The following OR1F1 variants were observed in gnomAD, a reference collection of about 807,000 sequenced individuals.
OR1F1 encodes olfactory receptor 1F1.
For synonymous variants in OR1F1, 184 were observed against 156.7 expected (o/e 1.17, Z -1.30); for missense variants, 493 against 376.3 (o/e 1.31, Z -2.57).
chr16:3,190,854 T>G, the OR1F1 span, among the ~76,000 whole-genome samples: 1 of 152,000 alleles, frequency 6.6e-6, no homozygotes, highest in Non-Finnish European at 1.5e-5. Flanking sequence ...TGCAGACTAT[T>G]GGGAAGTCTG....
chr16:3,201,678 G>A (rs529227539), upstream of OR1F1, among the ~76,000 whole-genome samples: 2 of 152,264 alleles, frequency 1.3e-5, no homozygotes, highest in South Asian at 2.1e-4. Context: ...CATGACCCAC[G>A]AAGGGATGAT....
the OR1F1 span, among the ~76,000 whole-genome samples, chr16:3,194,500 C>T: frequency 1.3e-5 from 2 of 152,242 alleles, no homozygotes; most frequent in South Asian, 4.1e-4. Flanking sequence ...CAGAAAAGAA[C>T]GTTCAATCTA....
the OR1F1 span, among the ~76,000 whole-genome samples, chr16:3,192,755 G>C: frequency 8.6e-5 from 13 of 151,998 alleles, no homozygotes; most frequent in African/African-American, 3.1e-4. Context: ...TGTCCCGGAC[G>C]TTGGCCCAGC....
At chr16:3,196,394 A>T in the OR1F1 span, among the ~76,000 whole-genome samples, 2 of 152,090 alleles carry the variant, frequency 1.3e-5, no homozygotes, top group Non-Finnish European at 2.9e-5. Context: ...TATTATTATT[A>T]TTATTTTGAG....
chr16:3,199,436 A>G (rs1958111362), upstream of OR1F1, among the ~76,000 whole-genome samples: 1 of 151,992 alleles, frequency 6.6e-6, no homozygotes, highest in Non-Finnish European at 1.5e-5. Context: ...TGAGCCCAGG[A>G]GTTCAAGACC....
the OR1F1 span, among the ~76,000 whole-genome samples, chr16:3,193,904 G>A: frequency 0.27 from 40,709 of 151,976 alleles, 5,572 homozygotes; most frequent in East Asian, 0.31. Context: ...TTCTCAGTAG[G>A]GCACGTGGTA....
At chr16:3,201,723 G>A (rs1339041915), upstream of OR1F1, among the ~76,000 whole-genome samples, 3 of 152,116 alleles carry the variant, frequency 2.0e-5, no homozygotes, top group South Asian at 4.1e-4. Context: ...AGGAAGCAGG[G>A]CTCGGACACT....
At chr16:3,194,746 C>T in the OR1F1 span, among the ~76,000 whole-genome samples, 2 of 152,250 alleles carry the variant, frequency 1.3e-5, no homozygotes, top group Non-Finnish European at 2.9e-5. Flanking sequence ...GGGGCACTTG[C>T]GGAATTGGAA....
upstream of OR1F1, among the ~76,000 whole-genome samples, chr16:3,202,979 C>G (rs982483582): frequency 7.2e-6 from 1 of 138,478 alleles, no homozygotes; most frequent in South Asian, 2.1e-4. Flanking sequence ...AATCCCAGTA[C>G]AGCTTCACAG....
chr16:3,193,908 C>T, the OR1F1 span, among the ~76,000 whole-genome samples: 4 of 152,144 alleles, frequency 2.6e-5, no homozygotes, highest in East Asian at 1.9e-4. Context: ...CAGTAGGGCA[C>T]GTGGTAACTG....
chr16:3,190,789 T>C, the OR1F1 span, among the ~76,000 whole-genome samples: 4 of 146,046 alleles, frequency 2.7e-5, no homozygotes, highest in African/African-American at 1.0e-4. Flanking sequence ...CAAGGTATCA[T>C]GAACAACAAG....
the OR1F1 span, among the ~76,000 whole-genome samples, chr16:3,198,533 C>G: frequency 3.9e-5 from 6 of 152,120 alleles, no homozygotes; most frequent in Non-Finnish European, 7.3e-5. Flanking sequence ...GGACAGGGAA[C>G]AGGTAGCTCT....
At chr16:3,193,777 T>G in the OR1F1 span, among the ~76,000 whole-genome samples, 5 of 152,190 alleles carry the variant, frequency 3.3e-5, no homozygotes, top group East Asian at 9.7e-4. Flanking sequence ...TTAAAATTTT[T>G]GTAGAGACGG....
At chr16:3,192,424 T>G in the OR1F1 span, among the ~76,000 whole-genome samples, 2 of 152,232 alleles carry the variant, frequency 1.3e-5, no homozygotes, top group East Asian at 3.9e-4. Context: ...GGTCCTGGAT[T>G]TCTCTGCTTC....
the OR1F1 span, among the ~76,000 whole-genome samples, chr16:3,198,171 CAG>C: frequency 7.6e-6 from 1 of 131,120 alleles, no homozygotes; most frequent in Admixed American, 7.6e-5. Context: ...GAGAGAGAGA[CAG>C]AGAGAGAGAT....
At chr16:3,191,811 G>A in the OR1F1 span, among the ~76,000 whole-genome samples, 1 of 152,152 alleles carries the variant, frequency 6.6e-6, no homozygotes, top group African/African-American at 2.4e-5. Flanking sequence ...CACAGGATGG[G>A]TGTGAGGGGT....
chr16:3,196,106 G>A, the OR1F1 span, among the ~76,000 whole-genome samples: 2 of 152,222 alleles, frequency 1.3e-5, no homozygotes, highest in Non-Finnish European at 2.9e-5. Flanking sequence ...TCACGTTCAT[G>A]TCAAGTGGTG....
the OR1F1 span, among the ~76,000 whole-genome samples, chr16:3,194,327 A>G: frequency 6.6e-6 from 1 of 152,232 alleles, no homozygotes; most frequent in East Asian, 1.9e-4. Context: ...CACCCCTTGT[A>G]TACACACCTC....
At chr16:3,192,257 C>T in the OR1F1 span, among the ~76,000 whole-genome samples, 1 of 151,690 alleles carries the variant, frequency 6.6e-6, no homozygotes, top group African/African-American at 2.4e-5. Context: ...GGGGTTTCAC[C>T]GTGTTAGCCA....
Sources: gnomAD v4.1 joint callset for allele counts (sites outside exome capture counted in the v4.1 genomes callset) on GRCh38, gnomAD v4.1.1 for gene constraint, MANE v1.5 for transcripts, NCBI Gene and HGNC (gene_info 2026-07-23, HGNC 2026-07-21) for gene names.